Variants in GRIN2B observed in about 807,000 individuals in gnomAD.
The protein encoded by GRIN2B is glutamate ionotropic receptor NMDA type subunit 2B.
GRIN2B carries 5 observed loss-of-function variants against 114.5 expected under a neutral mutation model. That is an observed-to-expected ratio of 0.04 (90% CI 0.02 to 0.09). The LOEUF (loss-of-function observed/expected upper bound fraction) is 0.09, where lower values mean the gene tolerates loss of function less well. Ranked by LOEUF, GRIN2B falls within the 10% of genes least tolerant of loss-of-function variation. The pLI is 1.00. For synonymous variants in GRIN2B, 787 were observed against 745.1 expected, an observed-to-expected ratio of 1.06 and a Z score of -0.92; for missense variants, 1,108 against 1,943.5, an observed-to-expected ratio of 0.57 and a Z score of 8.08.
chr12:13,703,855 G>A (rs983948908), intron 4 of GRIN2B, among the ~76,000 whole-genome samples: 5 of 152,078 alleles, frequency 3.3e-5, no homozygotes, highest in Non-Finnish European at 5.9e-5. Context: ...AATACATACA[G>A]CAAATGTAAT....
intron 5 of GRIN2B, among the ~76,000 whole-genome samples, chr12:13,668,053 C>T (rs1949993717): frequency 6.6e-6 from 1 of 152,124 alleles, no homozygotes; most frequent in Non-Finnish European, 1.5e-5. Context: ...GGACAAACCA[C>T]AGATAACTGT....
At chr12:13,765,430 G>A (rs535963033) in intron 3 of GRIN2B, among the ~76,000 whole-genome samples, 28 of 152,292 alleles carry the variant, frequency 1.8e-4, no homozygotes, top group Middle Eastern at 6.8e-3. Flanking sequence ...TACGTCCATC[G>A]TGCTGCAGAT....
At chr12:13,680,495 T>C (rs952073123) in intron 4 of GRIN2B, among the ~76,000 whole-genome samples, 9 of 150,308 alleles carry the variant, frequency 6.0e-5, no homozygotes, top group African/African-American at 2.2e-4. Context: ...TATTTTAAAT[T>C]GCTTGATTTG....
intron 3 of GRIN2B, among the ~76,000 whole-genome samples, chr12:13,837,736 G>T (rs973453030): frequency 6.6e-6 from 1 of 152,086 alleles, no homozygotes; most frequent in Non-Finnish European, 1.5e-5. Context: ...TGGGGTTGGC[G>T]ATCTGTTCAA....
chr12:13,664,460 T>G (rs899605529), intron 5 of GRIN2B, among the ~76,000 whole-genome samples: 2 of 152,158 alleles, frequency 1.3e-5, no homozygotes, highest in Non-Finnish European at 2.9e-5. Context: ...TATCAAAAAA[T>G]TCGTATCATT....
rs180985136 is a variant in GRIN2B, at chr12:13,879,605, A to G, written c.-18-13379T>C. 1.6e-4 allele frequency among the ~76,000 whole-genome samples: 25 copies of G among 152,156 alleles called. No individual in the cohort carries two copies. The East Asian group carries it at 2.9e-3, about 18-fold the overall frequency. On this transcript the variant is annotated intron_variant, in intron 2 of 13. Transcript: ENST00000609686. ...GCAATTTGGTCACCCTTCACATTTC[A>G]TAGTGTTTTTGAAAGCAAGTAGCTG...
rs1422697207 is a variant in GRIN2B at position 13,537,560 on chromosome 12, T to C, written c.*25223A>G. The C allele has an allele frequency of 6.6e-6, 1 of 152,146 alleles. No individual in the cohort carries two copies. The highest frequency in any genetic ancestry group is 6.5e-5 in the Admixed American group (1 of 15,274). The allele number at this position is 152,146 out of a possible 1,614,324, so 9.4% of individuals were successfully genotyped here. ...TGTCTGTGCTGTGAATAGTTGTCCA[T>C]GGTGAGAGGAGAGTGACAACAAACA... On this transcript the variant is annotated 3_prime_UTR_variant, in exon 14 of 14. Coordinates refer to ENST00000609686, the MANE Select transcript of GRIN2B (RefSeq NM_000834.5).
chr12:13,685,242 T>C, intron 4 of GRIN2B, among the ~76,000 whole-genome samples: 1 of 152,194 alleles, frequency 6.6e-6, no homozygotes, highest in East Asian at 1.9e-4. Context: ...ACAGGAAATA[T>C]CTCCATACAC....
At chr12:13,929,044 T>A (rs953157888) in intron 2 of GRIN2B, among the ~76,000 whole-genome samples, 1 of 152,222 alleles carries the variant, frequency 6.6e-6, no homozygotes, top group Non-Finnish European at 1.5e-5. Flanking sequence ...AACTAAAATA[T>A]TAAGAAACAT....
chr12:13,591,601 T>C (rs1190944363), intron 10 of GRIN2B, among the ~76,000 whole-genome samples: 2 of 152,140 alleles, frequency 1.3e-5, no homozygotes, highest in African/African-American at 4.8e-5. Flanking sequence ...AAGTGGGAGA[T>C]GGCAAATGAG....
Position 13,731,738 on chromosome 12 carries a change from G to A in GRIN2B, c.1010+21579C>T, listed in dbSNP as rs902832596. Among the ~76,000 whole-genome samples the A allele has an allele frequency of 5.9e-5, 9 of 152,086 alleles. No homozygotes were observed. The South Asian group carries it at 1.2e-3, about 21-fold the overall frequency. ...TTCAAAATTATCTTGCAATCCCAAT[G>A]GCCACCAAAATTCTGGCCCTCATCA... On this transcript the variant is annotated intron_variant, in intron 4 of 13. Transcript: ENST00000609686.
intron 2 of GRIN2B, among the ~76,000 whole-genome samples, chr12:13,927,362 G>A (rs950626899): frequency 6.6e-6 from 1 of 152,126 alleles, no homozygotes; most frequent in Non-Finnish European, 1.5e-5. Context: ...TAACAGGCTA[G>A]AAATGTTTTT....
chr12:13,664,377 T>C (rs1246129459), intron 5 of GRIN2B, among the ~76,000 whole-genome samples: 1 of 152,150 alleles, frequency 6.6e-6, no homozygotes, highest in African/African-American at 2.4e-5. Context: ...TTCATTCAAG[T>C]AGTACTGTAA....
intron 3 of GRIN2B, among the ~76,000 whole-genome samples, chr12:13,819,733 A>C (rs1591750112): frequency 6.6e-6 from 1 of 152,228 alleles, no homozygotes; most frequent in East Asian, 1.9e-4. Flanking sequence ...CTGCCAAATG[A>C]ATTCACATTA....
intron 2 of GRIN2B, among the ~76,000 whole-genome samples, chr12:13,869,853 T>A (rs770510019): frequency 6.6e-6 from 1 of 152,184 alleles, no homozygotes; most frequent in African/African-American, 2.4e-5. Flanking sequence ...CTAATTACCA[T>A]CTCTATGCTA....
At chr12:13,651,886 T>C (rs546388773) in intron 5 of GRIN2B, among the ~76,000 whole-genome samples, 2 of 152,220 alleles carry the variant, frequency 1.3e-5, no homozygotes, top group African/African-American at 4.8e-5. Context: ...TCTATAAAAC[T>C]AGGATAATAT....
chr12:13,778,460 G>T (rs1336112819), intron 3 of GRIN2B, among the ~76,000 whole-genome samples: 1 of 152,188 alleles, frequency 6.6e-6, no homozygotes, highest in East Asian at 1.9e-4. Context: ...ACAGAAGCCA[G>T]CCTTAGGGAG....
intron 10 of GRIN2B, among the ~76,000 whole-genome samples, chr12:13,585,430 C>T (rs990661407): frequency 8.5e-5 from 13 of 152,200 alleles, no homozygotes; most frequent in African/African-American, 3.1e-4. Flanking sequence ...GACCCACTTA[C>T]AGCCCAGCAG....
chr12:13,841,780 C>T (rs1865382130), intron 3 of GRIN2B, among the ~76,000 whole-genome samples: 1 of 152,056 alleles, frequency 6.6e-6, no homozygotes, highest in South Asian at 2.1e-4. Context: ...GGGTTGTTGA[C>T]ACAGCGAGAT....
Sources: allele counts gnomAD v4.1 joint callset (sites outside exome capture counted in the v4.1 genomes callset), GRCh38; gene constraint gnomAD v4.1.1; transcripts MANE v1.5; gene names NCBI Gene and HGNC (gene_info 2026-07-23, HGNC 2026-07-21).